KIRREL3: variants seen among roughly 807,000 people sequenced by gnomAD.
KIRREL3 encodes the protein kin of IRRE-like protein 3.
KIRREL3 carries 36 observed loss-of-function variants against 89.7 expected under a neutral mutation model. That is an observed-to-expected ratio of 0.40 (90% CI 0.31 to 0.53). The LOEUF is 0.53. KIRREL3 is among the 20% of genes least tolerant of loss of function. KIRREL3 has a pLI of 0.49. For missense variants in KIRREL3, 864 were observed against 1,056.6 expected (o/e 0.82, Z 2.53); for synonymous variants, 445 against 441.4 (o/e 1.01, Z -0.10).
In KIRREL3 at chr11:126,996,433, G is replaced by T. The variant is rs145456365; in HGVS notation, c.55+4022C>A. Among the ~76,000 whole-genome samples the T allele has an allele frequency of 6.6e-6, 1 of 152,214 alleles. No homozygotes were observed. The highest frequency in any genetic ancestry group is 2.4e-5 in the African/African-American group (1 of 41,520). On this transcript the variant is annotated intron_variant, in intron 1 of 16. Transcript: ENST00000525144. This position sits in a 1 kb window ranked among gnomAD's most constrained non-coding sequence, Gnocchi z 4.7. ...TCCCTCCATTCTTTAGGCCACCTCT[G>T]ATGTGTTCAGGCTCTCTTCCGATGC...
At position 126,987,067 on chromosome 11, in the gene KIRREL3, G is replaced by C. The variant is rs919456374; in HGVS notation, c.55+13388C>G. Among the ~76,000 whole-genome samples the C allele has an allele frequency of 5.3e-5, 8 of 152,186 alleles. No homozygotes were observed. The highest frequency in any genetic ancestry group is 1.9e-4 in the African/African-American group (8 of 41,440). ...TTTCTAACAATCTCCAAGTTGACCT[G>C]CAGACCACACTTGAAGAACCACGGT... On this transcript the variant is annotated intron_variant, in intron 1 of 16. Coordinates refer to ENST00000525144, the MANE Select transcript of KIRREL3 (RefSeq NM_032531.4). The surrounding 1 kb of genome is among the most constrained non-coding windows in gnomAD (Gnocchi z 4.6).
chr11:126,509,991 CAA>C (rs58061522), intron 4 of KIRREL3, among the ~76,000 whole-genome samples: 19 of 62,056 alleles, frequency 3.1e-4, no homozygotes, highest in African/African-American at 5.1e-4. Context: ...GACTCCGTCT[CAA>C]AAAAAAAAAA....
intron 1 of KIRREL3, among the ~76,000 whole-genome samples, chr11:126,849,250 T>C (rs1160609374): frequency 6.9e-6 from 1 of 144,934 alleles, no homozygotes; most frequent in Non-Finnish European, 1.5e-5. Flanking sequence ...AGTTTACGAA[T>C]GCCACGGCAA....
intron 7 of KIRREL3, among the ~76,000 whole-genome samples, chr11:126,450,177 A>T (rs1955977838): frequency 6.6e-6 from 1 of 152,240 alleles, no homozygotes. Flanking sequence ...GTGTATACAC[A>T]TGTATGTGTG....
rs981538533 is a variant in KIRREL3 at position 126,872,918 on chromosome 11, C to G, written c.55+127537G>C. Among the ~76,000 whole-genome samples, 2 of 152,218 alleles carry G rather than the reference C, an allele frequency of 1.3e-5. No homozygotes were observed. Among genetic ancestry groups the G allele is most frequent in the Non-Finnish European group, 2.9e-5 (2 of 68,040 alleles). On this transcript the variant is annotated intron_variant, in intron 1 of 16. Transcript: ENST00000525144. This position sits in a 1 kb window ranked among gnomAD's most constrained non-coding sequence, Gnocchi z 4.2. ...TCACCAGCTGTGCCGAGTTACTACA[C>G]AGCCTGGAGGTCAAGTCCTTCTCCC...
At chr11:126,548,713 C>T (rs1156550504) in intron 2 of KIRREL3, among the ~76,000 whole-genome samples, 2 of 152,232 alleles carry the variant, frequency 1.3e-5, no homozygotes, top group African/African-American at 4.8e-5. Context: ...TAAGGGCATC[C>T]TCCAGGTGTC....
rs1430285977 is a variant in KIRREL3 at position 126,526,928 on chromosome 11, C to T, written c.134-241G>A. On this transcript the variant is annotated intron_variant, in intron 2 of 16. Coordinates refer to ENST00000525144, the MANE Select transcript of KIRREL3 (RefSeq NM_032531.4). This position sits in a 1 kb window ranked among gnomAD's most constrained non-coding sequence, Gnocchi z 5.7. ...TGCCCATCAGTCCCTAACACATGGA[C>T]TGGTCTAGCCACACCCCAGCTCCCT... Among the ~76,000 whole-genome samples the T allele has an allele frequency of 1.3e-5, 2 of 152,226 alleles. No individual in the cohort carries two copies. The highest frequency in any genetic ancestry group is 4.8e-5 in the African/African-American group (2 of 41,470).
At chr11:126,673,803 G>C (rs1441324320) in intron 1 of KIRREL3, among the ~76,000 whole-genome samples, 1 of 152,212 alleles carries the variant, frequency 6.6e-6, no homozygotes, top group Non-Finnish European at 1.5e-5. Flanking sequence ...TAGAAGCAAT[G>C]AAAGAAGCTC....
chr11:126,923,152 C>CTTG (rs1947447830), intron 1 of KIRREL3, among the ~76,000 whole-genome samples: 1 of 18,864 alleles, frequency 5.3e-5, no homozygotes, highest in Admixed American at 6.6e-4. Flanking sequence ...TCTTCTTCTT[C>CTTG]TTCTTCTTCT....
At chr11:126,856,586 T>C (rs868093567) in intron 1 of KIRREL3, among the ~76,000 whole-genome samples, 2 of 34,638 alleles carry the variant, frequency 5.8e-5, no homozygotes, top group Middle Eastern at 0.013. Flanking sequence ...TATATATATA[T>C]ATATATATAT....
chr11:126,735,183 A>C (rs1948760916), intron 1 of KIRREL3, among the ~76,000 whole-genome samples: 1 of 152,200 alleles, frequency 6.6e-6, no homozygotes, highest in African/African-American at 2.4e-5. Flanking sequence ...ATGTCTCTGT[A>C]AAAGTTGTAA....
intron 11 of KIRREL3, among the ~76,000 whole-genome samples, 174 bp from the exon 12 acceptor site, chr11:126,437,183 C>T (rs565016270): frequency 6.6e-6 from 1 of 152,312 alleles, no homozygotes; most frequent in Admixed American, 6.5e-5. Flanking sequence ...AATATGCACA[C>T]ATGCAGGTGC....
rs1027856581 is a variant in KIRREL3 at position 126,643,381 on chromosome 11, A to T, written c.56-80469T>A. 1.3e-5 allele frequency among the ~76,000 whole-genome samples: 2 copies of T among 152,222 alleles called. No homozygotes were observed. The highest frequency in any genetic ancestry group is 2.9e-5 in the Non-Finnish European group (2 of 68,042). On this transcript the variant is annotated intron_variant, in intron 1 of 16. Coordinates refer to ENST00000525144, the MANE Select transcript of KIRREL3 (RefSeq NM_032531.4). The surrounding 1 kb of genome is among the most constrained non-coding windows in gnomAD (Gnocchi z 4.5). ...TTGAAGAGATTGGGCTAAAATTTAC[A>T]GGAAGGATGGAATTTGAGATGGTCT...
In KIRREL3 at chr11:126,709,634, A is replaced by G. The variant is rs1947679320; in HGVS notation, c.56-146722T>C. Among the ~76,000 whole-genome samples the G allele has an allele frequency of 6.6e-6, 1 of 152,222 alleles. No individual in the cohort carries two copies. Among genetic ancestry groups the G allele is most frequent in the Admixed American group, 6.5e-5 (1 of 15,290 alleles). On this transcript the variant is annotated intron_variant, in intron 1 of 16. Coordinates refer to ENST00000525144, the MANE Select transcript of KIRREL3 (RefSeq NM_032531.4). This position sits in a 1 kb window ranked among gnomAD's most constrained non-coding sequence, Gnocchi z 4.0. ...TTATAAAAAGAGAAAATTTGGACAC[A>G]GAGGTACAGAGGGAAGACCATGTGA...
At chr11:126,518,407 G>A (rs1033430302) in intron 4 of KIRREL3, among the ~76,000 whole-genome samples, 1 of 152,162 alleles carries the variant, frequency 6.6e-6, no homozygotes, top group East Asian at 1.9e-4. Flanking sequence ...GACCCCCGGG[G>A]GCCTCCCTCT....
chr11:126,741,587 G>A (rs1286977536), intron 1 of KIRREL3, among the ~76,000 whole-genome samples: 1 of 152,188 alleles, frequency 6.6e-6, no homozygotes, highest in Non-Finnish European at 1.5e-5. Flanking sequence ...AGGATGAATG[G>A]GAACTTTTAG....
chr11:126,780,380 G>A lies in KIRREL3; in HGVS notation c.56-217468C>T, dbSNP rs1040722265. Among the ~76,000 whole-genome samples the A allele has an allele frequency of 2.6e-5, 4 of 152,174 alleles. No individual in the cohort carries two copies. Among genetic ancestry groups the A allele is most frequent in the South Asian group, 2.1e-4 (1 of 4,824 alleles). The stretch of plus-strand genomic sequence containing the variant: ...GGCTTTAAATAAAAACCAGCTATTC[G>A]TGGGGAAGCCTGACAGGGTTTCTTT... On this transcript the variant is annotated intron_variant, in intron 1 of 16. Coordinates refer to ENST00000525144, the MANE Select transcript of KIRREL3 (RefSeq NM_032531.4). This position sits in a 1 kb window ranked among gnomAD's most constrained non-coding sequence, Gnocchi z 5.3.
chr11:126,829,450 T>C (rs1464444228), intron 1 of KIRREL3, among the ~76,000 whole-genome samples: 1 of 152,182 alleles, frequency 6.6e-6, no homozygotes, highest in Non-Finnish European at 1.5e-5. Flanking sequence ...CTAGATTCCA[T>C]AGGCATTAAG....
intron 1 of KIRREL3, among the ~76,000 whole-genome samples, chr11:126,836,532 G>T (rs1457431985): frequency 6.6e-6 from 1 of 152,126 alleles, no homozygotes; most frequent in African/African-American, 2.4e-5. Flanking sequence ...CTGGTTAAAG[G>T]TGCCTACCTG....
Sources: allele counts gnomAD v4.1 joint callset (sites outside exome capture counted in the v4.1 genomes callset), GRCh38; gene constraint gnomAD v4.1.1; non-coding constraint Gnocchi (gnomAD v3.1); transcripts MANE v1.5; gene names NCBI Gene and HGNC (gene_info 2026-07-23, HGNC 2026-07-21).